MIPOL1: variants seen among roughly 807,000 people sequenced by gnomAD.
MIPOL1 encodes mirror-image polydactyly gene 1 protein.
In MIPOL1, 57 loss-of-function variants were observed where a neutral mutation model predicts 60.9. The ratio of observed to expected loss-of-function variants is 0.94; its 90% CI spans 0.76 to 1.17. The LOEUF is 1.17. Ranked by LOEUF, MIPOL1 falls within the 50% of genes most tolerant of loss-of-function variation. The pLI is 0.00. For synonymous variants in MIPOL1, 179 were observed against 168.8 expected, an observed-to-expected ratio of 1.06 and a Z score of -0.47; for missense variants, 551 against 511.6, an observed-to-expected ratio of 1.08 and a Z score of -0.74.
At position 37,266,941 on chromosome 14, in the gene MIPOL1, T is replaced by A. The variant is rs775912098; in HGVS notation, c.23T>A (p.Ile8Lys). 62 of 1,606,684 alleles carry A rather than the reference T, an allele frequency of 3.9e-5. No homozygotes were observed. The highest frequency in any genetic ancestry group is 4.9e-5 in the Non-Finnish European group (58 of 1,174,868). The stretch of plus-strand genomic sequence containing the variant: ...TTATTTGTTTGTTTAAATACAGACA[T>A]AACCCACAGTTATCTTGAACAAGAA... MENWSKDITHSYLEQETT... is the reference protein window; with the variant it reads MENWSKDKTHSYLEQETT... The change falls in exon 4 of 13, where the codon ATA (isoleucine) becomes AAA (lysine). Residue 8 changes from isoleucine (I) to lysine (K), a missense_variant. Physicochemically the swap from Ile to Lys is moderately radical, Grantham distance 102 (BLOSUM62 -3). Coordinates refer to ENST00000684589, the MANE Select transcript of MIPOL1 (RefSeq NM_001388067.1).
chr14:37,451,679 A>C (rs2094418734), intron 11 of MIPOL1, among the ~76,000 whole-genome samples: 2 of 152,126 alleles, frequency 1.3e-5, no homozygotes, highest in South Asian at 4.1e-4. Flanking sequence ...TTAAAAATCA[A>C]AGCATGAGTT....
chr14:37,541,447 ACCTAC>A (rs2095529296), intron 12 of MIPOL1, among the ~76,000 whole-genome samples: 1 of 152,204 alleles, frequency 6.6e-6, no homozygotes, highest in Admixed American at 6.5e-5. Context: ...CTTTCCGCAA[ACCTAC>A]CCCCAAAGTA....
intron 9 of MIPOL1, among the ~76,000 whole-genome samples, chr14:37,361,204 C>G (rs1208493323): frequency 6.6e-6 from 1 of 152,132 alleles, no homozygotes; most frequent in African/African-American, 2.4e-5. Flanking sequence ...GATTTCTGTT[C>G]TTTTACATAT....
chr14:37,525,989 C>A (rs779948144), intron 12 of MIPOL1, among the ~76,000 whole-genome samples: 1 of 152,102 alleles, frequency 6.6e-6, no homozygotes, highest in East Asian at 1.9e-4. Context: ...TGGAGAGAAT[C>A]AATGGGAAAA....
chr14:37,337,302 C>T (rs1411003546), intron 9 of MIPOL1, among the ~76,000 whole-genome samples: 1 of 103,552 alleles, frequency 9.7e-6, no homozygotes, highest in African/African-American at 4.3e-5. Context: ...AATGCCTTTT[C>T]CTTTGCTTAT....
chr14:37,288,029 G>T (rs975264526), intron 7 of MIPOL1, among the ~76,000 whole-genome samples: 1 of 152,194 alleles, frequency 6.6e-6, no homozygotes, highest in Non-Finnish European at 1.5e-5. Context: ...TATAAGTAGA[G>T]AGTTTATTGG....
intron 11 of MIPOL1, among the ~76,000 whole-genome samples, chr14:37,491,899 C>T (rs931056018): frequency 2.0e-5 from 3 of 152,184 alleles, no homozygotes; most frequent in African/African-American, 4.8e-5. Context: ...CACTCTTATC[C>T]ATTCTGAATA....
At chr14:37,303,858 A>T (rs10144336) in intron 7 of MIPOL1, among the ~76,000 whole-genome samples, 141,969 of 151,564 alleles carry the variant, frequency 0.94, 66,948 homozygotes, top group East Asian at 1. Flanking sequence ...TGGTTCCTAG[A>T]AACAGCTTAC....
chr14:37,465,673 A>T (rs764684059), intron 11 of MIPOL1, among the ~76,000 whole-genome samples: 4 of 152,134 alleles, frequency 2.6e-5, no homozygotes, highest in Non-Finnish European at 5.9e-5. Context: ...CATACTTAGG[A>T]ATGTAATTTG....
chr14:37,302,448 G>A (rs1274763819), intron 7 of MIPOL1, among the ~76,000 whole-genome samples: 2 of 151,118 alleles, frequency 1.3e-5, no homozygotes, highest in Non-Finnish European at 3.0e-5. Flanking sequence ...TTTTCAAATT[G>A]GATTATTTTT....
chr14:37,227,873 C>T (rs1201661332), intron 1 of MIPOL1: 1 of 152,144 alleles, frequency 6.6e-6, no homozygotes, highest in East Asian at 1.9e-4. Context: ...CACATCTGCC[C>T]ACACTACTTT....
At chr14:37,389,627 A>C (rs10129645) in intron 10 of MIPOL1, among the ~76,000 whole-genome samples, 26,956 of 150,056 alleles carry the variant, frequency 0.18, 2,995 homozygotes, top group Non-Finnish European at 0.26. Context: ...AAACAGTTGA[A>C]GTGAAGAACC....
intron 9 of MIPOL1, among the ~76,000 whole-genome samples, chr14:37,328,092 A>C (rs1012617196): frequency 1.3e-5 from 2 of 151,916 alleles, no homozygotes; most frequent in African/African-American, 4.8e-5. Context: ...TGCTCACTGC[A>C]ACCTCCACCC....
chr14:37,487,590 A>G (rs374371710), intron 11 of MIPOL1, among the ~76,000 whole-genome samples: 1 of 152,214 alleles, frequency 6.6e-6, no homozygotes, highest in Non-Finnish European at 1.5e-5. Flanking sequence ...GCAGAAATTT[A>G]TCCAATTCTT....
intron 1 of MIPOL1, among the ~76,000 whole-genome samples, chr14:37,206,973 G>A (rs1230619331): frequency 3.9e-5 from 6 of 152,220 alleles, no homozygotes; most frequent in African/African-American, 7.2e-5. Flanking sequence ...TCTTGGATGA[G>A]ACTTAGGGCT....
chr14:37,285,189 G>C, intron 6 of MIPOL1, 129 bp from the exon 7 acceptor site: 2 of 879,362 alleles, frequency 2.3e-6, no homozygotes, highest in Non-Finnish European at 3.4e-6. Context: ...TGAATTGATT[G>C]ATTGATATTA....
In MIPOL1 at chr14:37,285,243, C is replaced by T. The variant is rs1458959023; in HGVS notation, c.494-75C>T. On this transcript the variant is annotated intron_variant, in intron 6 of 12. Transcript: ENST00000684589. ...TCCTTACAGTAATAATTACTTATGG[C>T]TTTTATTTTTGCTAAAGGTATACAT... 7.3e-6 allele frequency: 11 copies of T among 1,504,170 alleles called. No individual in the cohort carries two copies. The Admixed American group carries it at 2.0e-4, about 27-fold the overall frequency. The allele number at this position is 1,504,170 out of a possible 1,614,324, so 93.2% of individuals were successfully genotyped here.
At chr14:37,297,082 C>A (rs2085799783) in intron 7 of MIPOL1, among the ~76,000 whole-genome samples, 1 of 152,266 alleles carries the variant, frequency 6.6e-6, no homozygotes, top group Admixed American at 6.5e-5. Flanking sequence ...CTGAATCCAG[C>A]AGCACATCAA....
At chr14:37,225,813 T>C (rs974130783) in intron 1 of MIPOL1, among the ~76,000 whole-genome samples, 16 of 152,130 alleles carry the variant, frequency 1.1e-4, no homozygotes, top group African/African-American at 3.6e-4. Context: ...AGGCGGCAAA[T>C]TGTCTGAACT....
Sources: allele counts gnomAD v4.1 joint callset (sites outside exome capture counted in the v4.1 genomes callset), GRCh38; gene constraint gnomAD v4.1.1; transcripts MANE v1.5; gene names NCBI Gene and HGNC (gene_info 2026-07-23, HGNC 2026-07-21).